The following RASSF3 variants were observed in gnomAD, a reference collection of about 807,000 sequenced individuals.
The protein encoded by RASSF3 is Ras association domain family member 3, also known as ras association domain-containing protein 3.
In RASSF3, 19 loss-of-function variants were observed where a neutral mutation model predicts 19.9. The ratio of observed to expected loss-of-function variants is 0.96; its 90% CI spans 0.67 to 1.40. The LOEUF (loss-of-function observed/expected upper bound fraction) is 1.40. RASSF3 is among the 40% of genes most tolerant of loss of function. The probability of loss-of-function intolerance (pLI) is 0.00; values close to 1 mark genes in which losing one functional copy is unlikely to be tolerated. For missense variants in RASSF3, 306 were observed against 289.8 expected (o/e 1.06, Z -0.41); for synonymous variants, 110 against 104.2 (o/e 1.06, Z -0.34).
intron 1 of RASSF3, among the ~76,000 whole-genome samples, chr12:64,656,843 A>G (rs1872176337): frequency 6.6e-6 from 1 of 152,204 alleles, no homozygotes; most frequent in Non-Finnish European, 1.5e-5. Context: ...CTGACATGGA[A>G]TAATGTGGAT....
chr12:64,555,599 A>T (rs1869242813), intron 2 of RASSF3, among the ~76,000 whole-genome samples: 1 of 152,150 alleles, frequency 6.6e-6, no homozygotes, highest in Admixed American at 6.5e-5. Context: ...AATGCAAAAA[A>T]TTAGCAAGGT....
intron 1 of RASSF3, among the ~76,000 whole-genome samples, chr12:64,650,710 T>C (rs1871921711): frequency 6.6e-6 from 1 of 152,074 alleles, no homozygotes; most frequent in African/African-American, 2.4e-5. Flanking sequence ...CCACCGCGCC[T>C]GGCCGAGTTG....
At chr12:64,575,507 C>T (rs1465394472) in intron 2 of RASSF3, among the ~76,000 whole-genome samples, 6 of 152,114 alleles carry the variant, frequency 3.9e-5, no homozygotes, top group African/African-American at 9.7e-5. Context: ...GCAGTATAAG[C>T]GTGCCTGAGG....
intron 2 of RASSF3, among the ~76,000 whole-genome samples, chr12:64,549,461 G>C (rs758956569): frequency 5.9e-5 from 9 of 152,134 alleles, no homozygotes; most frequent in African/African-American, 1.2e-4. Context: ...TACACACTCA[G>C]ATTTTTAATT....
chr12:64,681,082 G>A (rs1162486368), intron 1 of RASSF3, among the ~76,000 whole-genome samples: 1 of 152,196 alleles, frequency 6.6e-6, no homozygotes, highest in Non-Finnish European at 1.5e-5. Flanking sequence ...AAGGCTGGGT[G>A]TTAAGTCCCA....
At chr12:64,544,035 TAAG>T (rs899199608), downstream of RASSF3, among the ~76,000 whole-genome samples, 1 of 152,078 alleles carries the variant, frequency 6.6e-6, no homozygotes, top group Admixed American at 6.5e-5. Context: ...TGGGGCCAGA[TAAG>T]AGAATAAAGC....
chr12:64,645,552 TA>T (rs1228609042), intron 1 of RASSF3, among the ~76,000 whole-genome samples: 2 of 152,104 alleles, frequency 1.3e-5, no homozygotes, highest in African/African-American at 4.8e-5. Context: ...AATTTTTTTT[TA>T]TTTTGAGAAG....
chr12:64,522,498 T>G (rs12810996), intron 1 of RASSF3, among the ~76,000 whole-genome samples: 96,534 of 151,812 alleles, frequency 0.64, 31,120 homozygotes, highest in Middle Eastern at 0.76. Context: ...CCCAGCACGT[T>G]CACAAAAGAC....
At chr12:64,619,979 C>CA (rs67795096) in intron 1 of RASSF3, among the ~76,000 whole-genome samples, 36,890 of 101,856 alleles carry the variant, frequency 0.36, 5,655 homozygotes, top group Non-Finnish European at 0.43. Context: ...GACTTTATAT[C>CA]AAAAAAAAAA....
chr12:64,627,128 C>T (rs1871023941), intron 1 of RASSF3, among the ~76,000 whole-genome samples: 1 of 152,192 alleles, frequency 6.6e-6, no homozygotes, highest in Non-Finnish European at 1.5e-5. Flanking sequence ...AGTGTGGTAG[C>T]AATCACAGGT....
chr12:64,597,383 A>G (rs1870014252), intron 2 of RASSF3, among the ~76,000 whole-genome samples: 1 of 150,934 alleles, frequency 6.6e-6, no homozygotes, highest in South Asian at 2.1e-4. Flanking sequence ...CACCTGCCTC[A>G]CCCTCCCAAA....
intron 1 of RASSF3, among the ~76,000 whole-genome samples, chr12:64,522,761 G>A (rs946295939): frequency 1.3e-5 from 2 of 152,100 alleles, no homozygotes; most frequent in African/African-American, 2.4e-5. Context: ...TCAGCTACTT[G>A]GTTTCAGCTA....
intron 2 of RASSF3, among the ~76,000 whole-genome samples, chr12:64,582,015 T>G (rs1249005388): frequency 2.6e-5 from 4 of 152,016 alleles, no homozygotes; most frequent in Non-Finnish European, 5.9e-5. Context: ...ACTACAGGCA[T>G]GCCCCACCAC....
chr12:64,627,373 G>GT (rs1391641320), intron 1 of RASSF3, among the ~76,000 whole-genome samples: 6 of 152,106 alleles, frequency 3.9e-5, no homozygotes, highest in Admixed American at 3.9e-4. Flanking sequence ...TGATGATTGT[G>GT]TTTATGAAGC....
chr12:64,523,460 C>T (rs1200739055), intron 1 of RASSF3, among the ~76,000 whole-genome samples: 1 of 151,952 alleles, frequency 6.6e-6, no homozygotes, highest in Non-Finnish European at 1.5e-5. Context: ...ACAGACATTG[C>T]TTTGTGGATA....
chr12:64,519,003 T>A (rs1263298413), intron 1 of RASSF3, among the ~76,000 whole-genome samples: 2 of 152,226 alleles, frequency 1.3e-5, no homozygotes, highest in Admixed American at 1.3e-4. Flanking sequence ...TTACTTTTAT[T>A]CTATGACTAG....
chr12:64,633,861 T>C (rs569088776), intron 1 of RASSF3, among the ~76,000 whole-genome samples: 6 of 152,044 alleles, frequency 3.9e-5, no homozygotes, highest in Non-Finnish European at 7.4e-5. Context: ...ATGGACCAAG[T>C]GGGGTGGCTC....
chr12:64,629,920 T>A (rs1409152673), intron 1 of RASSF3: 1 of 135,940 alleles, frequency 7.4e-6, no homozygotes, highest in African/African-American at 2.8e-5. Context: ...GCTGAGATTG[T>A]GCCACTACTC....
chr12:64,693,797 C>T (rs961590634), intron 4 of RASSF3, among the ~76,000 whole-genome samples: 2 of 152,148 alleles, frequency 1.3e-5, no homozygotes, highest in Non-Finnish European at 2.9e-5. Context: ...GGCTCAGAGC[C>T]TCAAGGCAAG....
Sources: gnomAD v4.1 joint callset for allele counts (sites outside exome capture counted in the v4.1 genomes callset) on GRCh38, gnomAD v4.1.1 for gene constraint, MANE v1.5 for transcripts, NCBI Gene and HGNC (gene_info 2026-07-23, HGNC 2026-07-21) for gene names.